The following ANPEP variants were observed in gnomAD, a reference collection of about 807,000 sequenced individuals.
ANPEP encodes alanyl aminopeptidase, membrane.
A neutral mutation model predicts 114.6 loss-of-function variants in ANPEP; 70 were observed. The ratio of observed to expected loss-of-function variants is 0.61; its 90% confidence interval spans 0.50 to 0.75. The LOEUF is 0.75. ANPEP is among the 30% of genes least tolerant of loss of function. The pLI is 0.00. For synonymous variants in ANPEP, 548 were observed against 522.3 expected (o/e 1.05, Z -0.67); for missense variants, 1,184 against 1,259.5 (o/e 0.94, Z 0.91).
chr15:89,792,775 CCA>C (rs35499425), intron 16 of ANPEP, among the ~76,000 whole-genome samples: 4,404 of 152,246 alleles, frequency 0.029, 212 homozygotes, highest in African/African-American at 0.097. Flanking sequence ...GGCTCCAGCC[CCA>C]GTTTCAACAC....
Position 89,805,388 on chromosome 15 carries a change from C to T in ANPEP, c.690G>A (p.Lys230=), listed in dbSNP as rs1894689507. ...SFPCFDEPAM[K]AEFNITLIHP... ...GGATAAGCGTGATGTTGAACTCGGC[C>T]TTCATGGCCGGCTCATCGAAGCATG... The change falls in exon 3 of 21, where the codon AAG becomes AAA. Residue 230 remains lysine, a synonymous_variant. Transcript: ENST00000300060. 6.2e-7 allele frequency: 1 copy of T among 1,614,190 alleles called. No individual in the cohort carries two copies. Among genetic ancestry groups the T allele is most frequent in the Non-Finnish European group, 8.5e-7 (1 of 1,180,024 alleles).
chr15:89,804,934 C>T (rs1387341780), intron 4 of ANPEP, 144 bp downstream of exon 4: 1 of 1,215,754 alleles, frequency 8.2e-7, no homozygotes, highest in African/African-American at 1.5e-5. Flanking sequence ...AACCAGAGAA[C>T]AAGACACTTG....
At chr15:89,797,390 T>C in intron 15 of ANPEP, 185 bp downstream of exon 15, 2 of 866,548 alleles carry the variant, frequency 2.3e-6, no homozygotes, top group Non-Finnish European at 3.4e-6. Context: ...CGGCTCGCTC[T>C]TTCACCTGCG....
chr15:89,806,274 T>TA lies in ANPEP; in HGVS notation c.309dup (p.Lys104Ter). 6.2e-7 allele frequency: 1 copy of TA among 1,614,114 alleles called. No homozygotes were observed. Among genetic ancestry groups the TA allele is most frequent in the Non-Finnish European group, 8.5e-7 (1 of 1,180,032 alleles). On this transcript the variant is annotated frameshift_variant, in exon 2 of 21. Coordinates refer to ENST00000300060, the MANE Select transcript of ANPEP (RefSeq NM_001150.3). LOFTEE classifies it high-confidence loss of function. The surrounding 1 kb of genome is among the most constrained non-coding windows in gnomAD (Gnocchi z 5.7). ...GTGAAACGGACGGTGCTGGAGCCCTTAAAAACGTACAGGCCCCTGTCATTG... is the reference window on the plus strand; with the variant it reads ...GTGAAACGGACGGTGCTGGAGCCCTTAAAAAACGTACAGGCCCCTGTCATTG...
At chr15:89,812,412 G>A (rs1447332979) in intron 1 of ANPEP, among the ~76,000 whole-genome samples, 1 of 152,224 alleles carries the variant, frequency 6.6e-6, no homozygotes, top group Non-Finnish European at 1.5e-5. Context: ...CCAGGCTTCT[G>A]AGGCCTCCGC....
chr15:89,805,868 G>A, intron 2 of ANPEP, 102 bp downstream of exon 2: 2 of 1,460,904 alleles, frequency 1.4e-6, no homozygotes, highest in South Asian at 2.7e-5. Flanking sequence ...GGGCTCCACA[G>A]GGTTCAAAGG....
chr15:89,789,688 G>A (rs904175758), intron 20 of ANPEP, among the ~76,000 whole-genome samples: 22 of 146,864 alleles, frequency 1.5e-4, no homozygotes, highest in African/African-American at 5.4e-4. Context: ...CAGGAGAATT[G>A]ATTGAACCCC....
At chr15:89,791,615 TGTATTTTTA>T (rs1968629237) in intron 18 of ANPEP, among the ~76,000 whole-genome samples, 1 of 143,300 alleles carries the variant, frequency 7.0e-6, no homozygotes, top group Non-Finnish European at 1.5e-5. Flanking sequence ...TTTTTTTTTT[TGTATTTTTA>T]GTATTTTTAG....
At chr15:89,797,157 G>A (rs879842748) in intron 15 of ANPEP, among the ~76,000 whole-genome samples, 2 of 152,234 alleles carry the variant, frequency 1.3e-5, no homozygotes, top group South Asian at 2.1e-4. Flanking sequence ...TGACAGAGAA[G>A]TTAACTGGGT....
rs779028821 is a variant in ANPEP, at chr15:89,803,619, C to T, written c.1437+28G>A. 6.2e-7 allele frequency: 1 copy of T among 1,605,306 alleles called. No homozygotes were observed. Among genetic ancestry groups the T allele is most frequent in the Non-Finnish European group, 8.5e-7 (1 of 1,175,058 alleles). ...TCCAGGCCAAGTCCCCACCTCCTTC[C>T]CCGTGCCCCACGAGGAGCGGGCTGC... On this transcript the variant is annotated intron_variant, in intron 8 of 20. Coordinates refer to ENST00000300060, the MANE Select transcript of ANPEP (RefSeq NM_001150.3). This position sits in a 1 kb window ranked among gnomAD's most constrained non-coding sequence, Gnocchi z 4.2.
Position 89,805,475 on chromosome 15 carries a change from G to A in ANPEP, c.615-12C>T, listed in dbSNP as rs781187802. 3.7e-6 allele frequency: 6 copies of A among 1,613,858 alleles called. No individual in the cohort carries two copies. The highest frequency in any genetic ancestry group is 5.1e-6 in the Non-Finnish European group (6 of 1,179,932). On this transcript the variant is annotated splice_polypyrimidine_tract_variant and intron_variant, in intron 2 of 20. Coordinates refer to ENST00000300060, the MANE Select transcript of ANPEP (RefSeq NM_001150.3). ...TAGTGGCCACCACCCTGCCCCAACA[G>A]GAAGGTTAGAGGGTGTGCCAGAGCT...
In ANPEP at chr15:89,803,316, C is replaced by G. The variant is rs147539842; in HGVS notation, c.1504-12G>C. The G allele has an allele frequency of 6.2e-7, 1 of 1,614,032 alleles. No individual in the cohort carries two copies. The highest frequency in any genetic ancestry group is 8.5e-7 in the Non-Finnish European group (1 of 1,179,940). ...GTGTGGAGGTAGGACTGTGGAAAGA[C>G]GGGGCACAGTGAGAGCACAGCTGGA... On this transcript the variant is annotated splice_polypyrimidine_tract_variant and intron_variant, in intron 9 of 20. Transcript: ENST00000300060. The surrounding 1 kb of genome is among the most constrained non-coding windows in gnomAD (Gnocchi z 4.2).
chr15:89,801,675 C>T (rs1016198267), intron 10 of ANPEP, 68 bp from the exon 11 acceptor site: 1 of 1,563,606 alleles, frequency 6.4e-7, no homozygotes. Flanking sequence ...AGGGCATCTC[C>T]TGCAGATTCT....
chr15:89,791,986 T>C (rs1202934389), intron 18 of ANPEP, among the ~76,000 whole-genome samples, 174 bp downstream of exon 18: 1 of 152,196 alleles, frequency 6.6e-6, no homozygotes, highest in African/African-American at 2.4e-5. Context: ...GTCCATATCT[T>C]GTCTCTATCA....
intron 20 of ANPEP, among the ~76,000 whole-genome samples, chr15:89,788,320 T>C (rs1968542677): frequency 6.6e-6 from 1 of 152,196 alleles, no homozygotes; most frequent in African/African-American, 2.4e-5. Context: ...TGCTACCGTA[T>C]GCATGAATCT....
intron 4 of ANPEP, 74 bp downstream of exon 4, chr15:89,805,004 G>C: frequency 6.3e-7 from 1 of 1,597,574 alleles, no homozygotes; most frequent in South Asian, 1.1e-5. Context: ...AACTGGCACA[G>C]GGATGAAGAG....
At position 89,801,470 on chromosome 15, in the gene ANPEP, G is replaced by T; in HGVS notation, c.1707C>A (p.Asp569Glu). 6.2e-7 allele frequency: 1 copy of T among 1,614,244 alleles called. No homozygotes were observed. The highest frequency in any genetic ancestry group is 2.2e-5 in the East Asian group (1 of 44,890). Residue 569 changes from aspartate (D) to glutamate (E), a missense_variant, in exon 11 of 21, where the codon GAC (aspartate) becomes GAA (glutamate). Physicochemically the swap from Asp to Glu is conservative, Grantham distance 45. Coordinates refer to ENST00000300060, the MANE Select transcript of ANPEP (RefSeq NM_001150.3). Reference sequence around the variant, plus strand: ...AGGGGCGGGTAACATTGGAATCGGGGTCAAGGAGGAAGTGCTCCTGGGAAA... The same window carrying T: ...AGGGGCGGGTAACATTGGAATCGGGTTCAAGGAGGAAGTGCTCCTGGGAAA... ...GTLSQEHFLL[D>E]PDSNVTRPSE...
chr15:89,805,253 T>A (rs1321627762), intron 3 of ANPEP, 36 bp from the exon 4 acceptor site: 4 of 1,613,562 alleles, frequency 2.5e-6, no homozygotes, highest in East Asian at 4.5e-5. Flanking sequence ...GGACGTACCC[T>A]CCTGCCCCAC....
At chr15:89,805,560 A>G (rs1894693772) in intron 2 of ANPEP, 97 bp from the exon 3 acceptor site, 4 of 1,493,038 alleles carry the variant, frequency 2.7e-6, no homozygotes, top group Non-Finnish European at 3.6e-6. Context: ...GGTACATGGA[A>G]GGCTGCCCCA....
Sources: gnomAD v4.1 joint callset for allele counts (sites outside exome capture counted in the v4.1 genomes callset) on GRCh38, gnomAD v4.1.1 for gene constraint, Gnocchi (gnomAD v3.1) non-coding constraint, MANE v1.5 for transcripts, NCBI Gene and HGNC (gene_info 2026-07-23, HGNC 2026-07-21) for gene names.